Variants in ZNF292 observed in about 807,000 individuals in gnomAD.
ZNF292 encodes the protein zinc finger protein 292.
Under a neutral mutation model 217.9 loss-of-function variants are expected in ZNF292, and 26 were observed. That is an observed-to-expected ratio of 0.12 (90% CI 0.09 to 0.17). ZNF292 has a LOEUF of 0.17. Among genes scored for constraint, ZNF292 ranks in the 10% least tolerant of loss-of-function variants. The pLI, the probability that ZNF292 is intolerant of heterozygous loss-of-function variation, is 1.00. For synonymous variants in ZNF292, 1,257 were observed against 1,124.1 expected, an observed-to-expected ratio of 1.12 and a Z score of -2.37; for missense variants, 2,904 against 3,175.2, an observed-to-expected ratio of 0.91 and a Z score of 2.05.
At chr6:87,243,038 T>C (rs1774380891) in intron 5 of ZNF292, among the ~76,000 whole-genome samples, 1 of 151,992 alleles carries the variant, frequency 6.6e-6, no homozygotes, top group African/African-American at 2.4e-5. Context: ...CTATACCCAG[T>C]GTACCTCTCT....
intron 5 of ZNF292, among the ~76,000 whole-genome samples, chr6:87,239,088 C>T (rs948356101): frequency 1.3e-5 from 2 of 152,292 alleles, no homozygotes; most frequent in Non-Finnish European, 2.9e-5. Flanking sequence ...TCTTTCTACA[C>T]AGACACAGCA....
rs189363198 is a variant in ZNF292, at chr6:87,209,640, G to C, written c.169-6263G>C. ...TAGGAGAAACCTGCTCTTTTCTCTT[G>C]TCAGGCATTGAAGAGATTTGAAAAA... On this transcript the variant is annotated intron_variant, in intron 1 of 7. Transcript: ENST00000369577. 7.9e-5 allele frequency among the ~76,000 whole-genome samples: 12 copies of C among 152,254 alleles called. No homozygotes were observed. The East Asian group carries it at 2.1e-3, about 27-fold the overall frequency.
At chr6:87,218,292 T>C (rs1034042134) in intron 3 of ZNF292, among the ~76,000 whole-genome samples, 1 of 152,178 alleles carries the variant, frequency 6.6e-6, no homozygotes, top group Non-Finnish European at 1.5e-5. Context: ...TAAGGTCTTT[T>C]ATGCGTATGG....
intron 1 of ZNF292, among the ~76,000 whole-genome samples, chr6:87,197,792 A>G (rs923023250): frequency 6.7e-6 from 1 of 148,994 alleles, no homozygotes; most frequent in African/African-American, 2.5e-5. Context: ...TCTAAGAAGT[A>G]TCTGTTTTAG....
intron 1 of ZNF292, chr6:87,170,251 A>G (rs917905295): frequency 6.6e-5 from 10 of 152,218 alleles, no homozygotes; most frequent in African/African-American, 1.9e-4. Flanking sequence ...ACCTATTCAT[A>G]TTTGTATAAT....
chr6:87,216,108 GACACACACAC>G lies in ZNF292; in HGVS notation c.323+91_323+100del, dbSNP rs57115253. ...CTAGATTTAGCTTTAAAAATACATA[GACACACACAC>G]ACACACACACACACACACACACACA... On this transcript the variant is annotated intron_variant, in intron 2 of 7. Transcript: ENST00000369577. 5,103 of 514,314 alleles carry G rather than the reference GACACACACAC, an allele frequency of 9.9e-3. 38 individuals carry two copies. Among genetic ancestry groups the G allele is most frequent in the African/African-American group, 0.042 (1,417 of 33,398 alleles). The allele number at this position is 514,314 out of a possible 1,614,324, so 31.9% of individuals were successfully genotyped here.
At chr6:87,193,237 G>T (rs943450659) in intron 1 of ZNF292, among the ~76,000 whole-genome samples, 1 of 152,100 alleles carries the variant, frequency 6.6e-6, no homozygotes, top group Non-Finnish European at 1.5e-5. Flanking sequence ...AGGGGAAAAC[G>T]TACCTGAGCT....
intron 7 of ZNF292, among the ~76,000 whole-genome samples, chr6:87,253,432 G>C (rs1342528542): frequency 7.3e-5 from 11 of 151,598 alleles, no homozygotes; most frequent in Non-Finnish European, 1.3e-4. Flanking sequence ...GTTTCCCTAT[G>C]TTGCCCAGGT....
chr6:87,263,751 A>T lies in ZNF292; in HGVS notation c.*1950A>T, dbSNP rs911256938. 1.3e-5 allele frequency: 2 copies of T among 152,048 alleles called. No individual in the cohort carries two copies. The highest frequency in any genetic ancestry group is 4.8e-5 in the African/African-American group (2 of 41,416). The allele number at this position is 152,048 out of a possible 1,614,324, so 9.4% of individuals were successfully genotyped here. A position where few individuals can be genotyped will look rare whatever the true frequency, so the allele number is the denominator to read the frequency against. ...AAATAACTGAGTAATTTTAATATTA[A>T]ATTTTTGTTAACAACTGAATGTTTC... On this transcript the variant is annotated 3_prime_UTR_variant, in exon 8 of 8. Coordinates refer to ENST00000369577, the MANE Select transcript of ZNF292 (RefSeq NM_015021.3).
intron 1 of ZNF292, among the ~76,000 whole-genome samples, chr6:87,167,224 A>G (rs1770947892): frequency 2.0e-5 from 3 of 152,240 alleles, no homozygotes; most frequent in African/African-American, 7.2e-5. Flanking sequence ...TACTATTGGT[A>G]TAGGAAAAAT....
intron 1 of ZNF292, among the ~76,000 whole-genome samples, chr6:87,188,976 G>A (rs762471179): frequency 4.1e-4 from 63 of 151,924 alleles, no homozygotes; most frequent in African/African-American, 1.0e-3. Context: ...AGGCCGAGGC[G>A]GGCCGATCAC....
intron 1 of ZNF292, among the ~76,000 whole-genome samples, chr6:87,177,035 T>C (rs1162594357): frequency 6.6e-6 from 1 of 152,046 alleles, no homozygotes; most frequent in Non-Finnish European, 1.5e-5. Context: ...ACACTTAAAT[T>C]TTTAATCCTT....
At position 87,264,402 on chromosome 6, in the gene ZNF292, C is replaced by T. The variant is rs1345820024; in HGVS notation, c.*2601C>T. Among the ~76,000 whole-genome samples, 5 of 152,084 alleles carry T rather than the reference C, an allele frequency of 3.3e-5. No homozygotes were observed. The highest frequency in any genetic ancestry group is 3.3e-4 in the Admixed American group (5 of 15,258). On this transcript the variant is annotated 3_prime_UTR_variant, in exon 8 of 8. Coordinates refer to ENST00000369577, the MANE Select transcript of ZNF292 (RefSeq NM_015021.3). ...AACGGTGTTAAATTTAACATAGGTA[C>T]ATTATTATTTTAAAGGGCTAGACAT...
In ZNF292 at chr6:87,258,222, A is replaced by G; in HGVS notation, c.4593A>G (p.Pro1531=). 1 of 1,612,402 alleles carries G rather than the reference A, an allele frequency of 6.2e-7. No individual in the cohort carries two copies. Among genetic ancestry groups the G allele is most frequent in the Non-Finnish European group, 8.5e-7 (1 of 1,179,328 alleles). The change falls in exon 8 of 8, where the codon CCA becomes CCG. Residue 1531 remains proline, a synonymous_variant. Transcript: ENST00000369577. ...SQVNATVMPN[P]TVPPLLHTVC... ...TAAATGCAACGGTGATGCCAAATCC[A>G]ACTGTACCACCCCTGTTGCACACTG...
chr6:87,212,827 A>G (rs1273594320), intron 1 of ZNF292, among the ~76,000 whole-genome samples: 1 of 152,178 alleles, frequency 6.6e-6, no homozygotes, highest in Non-Finnish European at 1.5e-5. Flanking sequence ...GTTCTCTGTC[A>G]TTGTCCTCTG....
Position 87,261,934 on chromosome 6 carries a change from GAA to G in ZNF292, c.*142_*143del. On this transcript the variant is annotated 3_prime_UTR_variant, in exon 8 of 8. Transcript: ENST00000369577. The stretch of plus-strand genomic sequence containing the variant: ...AATTAACCTGGCCAAAAACAAAAAA[GAA>G]AAAAAAAACATGACATTTGTCATGT... 5.6e-6 allele frequency: 3 copies of G among 539,672 alleles called. No individual in the cohort carries two copies. The highest frequency in any genetic ancestry group is 8.6e-6 in the Non-Finnish European group (3 of 349,670). 33.4% of individuals were successfully genotyped at this position (539,672 alleles called of 1,614,324 possible).
Position 87,257,940 on chromosome 6 carries a change from A to C in ZNF292, c.4311A>C (p.Pro1437=). ...CAAATGCAGTAAATTTGCAGCAGCC[A>C]CAACAATCTACCTTCAATCCAGAAG... ...LSTNAVNLQQ[P]QQSTFNPEAC... Residue 1437 remains proline (P), a synonymous_variant, in exon 8 of 8, where the codon CCA becomes CCC. Coordinates refer to ENST00000369577, the MANE Select transcript of ZNF292 (RefSeq NM_015021.3). 1 of 1,613,952 alleles carries C rather than the reference A, an allele frequency of 6.2e-7. No individual in the cohort carries two copies. Among genetic ancestry groups the C allele is most frequent in the Non-Finnish European group, 8.5e-7 (1 of 1,179,834 alleles).
intron 4 of ZNF292, among the ~76,000 whole-genome samples, chr6:87,222,454 C>G (rs1186038940): frequency 6.6e-6 from 1 of 152,076 alleles, no homozygotes; most frequent in Non-Finnish European, 1.5e-5. Flanking sequence ...CTGGCTGTGA[C>G]AGTTTTTCAG....
intron 4 of ZNF292, among the ~76,000 whole-genome samples, chr6:87,219,663 A>G (rs1410720049): frequency 6.6e-6 from 1 of 151,946 alleles, no homozygotes; most frequent in Non-Finnish European, 1.5e-5. Flanking sequence ...TGTCTTCACC[A>G]TTTTCTCCAT....
Sources: allele counts gnomAD v4.1 joint callset (sites outside exome capture counted in the v4.1 genomes callset), GRCh38; gene constraint gnomAD v4.1.1; transcripts MANE v1.5; gene names NCBI Gene and HGNC (gene_info 2026-07-23, HGNC 2026-07-21).